Variants in TSHZ1 observed in about 807,000 individuals in gnomAD.
TSHZ1 encodes the protein teashirt zinc finger homeobox 1.
TSHZ1 carries 12 observed loss-of-function variants against 67.1 expected under a neutral mutation model. The ratio of observed to expected loss-of-function variants is 0.18; its 90% CI spans 0.11 to 0.29. The LOEUF (loss-of-function observed/expected upper bound fraction) is 0.29. Ranked by LOEUF, TSHZ1 falls within the 10% of genes least tolerant of loss-of-function variation. TSHZ1 has a pLI of 1.00. For synonymous variants in TSHZ1, 632 were observed against 622.4 expected (o/e 1.02, Z -0.23); for missense variants, 1,305 against 1,413.9 (o/e 0.92, Z 1.23).
intron 1 of TSHZ1, among the ~76,000 whole-genome samples, chr18:75,260,688 G>A (rs566046852): frequency 3.4e-4 from 52 of 152,224 alleles, no homozygotes; most frequent in African/African-American, 1.0e-3. Flanking sequence ...CCACTGCCCC[G>A]GCCTTTTCAC....
chr18:75,257,121 G>A lies in TSHZ1; in HGVS notation c.41-28327G>A, dbSNP rs568053160. 3.9e-5 allele frequency among the ~76,000 whole-genome samples: 6 copies of A among 152,294 alleles called. No homozygotes were observed. In the East Asian group the frequency reaches 9.6e-4, roughly 24 times the overall value. On this transcript the variant is annotated intron_variant, in intron 1 of 1. Transcript: ENST00000580243. ...GGGGCCCATACTTCTATTGGTTGCA[G>A]TTTTAAAGAAGACAGTTGAAGAGCT...
At chr18:75,227,441 C>A (rs1477584022) in intron 1 of TSHZ1, among the ~76,000 whole-genome samples, 3 of 151,898 alleles carry the variant, frequency 2.0e-5, no homozygotes, top group African/African-American at 7.3e-5. Flanking sequence ...GCCATTTTTG[C>A]CCCCAGATTG....
intron 1 of TSHZ1, among the ~76,000 whole-genome samples, chr18:75,246,436 G>GTGTGTGTGTGTGTGTGTGTGTA (rs2023224483): frequency 2.0e-5 from 3 of 150,750 alleles, no homozygotes; most frequent in South Asian, 4.2e-4. Flanking sequence ...GTGTGTGTGT[G>GTGTGTGTGTGTGTGTGTGTGTA]TGTGTGTGTC....
chr18:75,267,702 C>T (rs544283550), intron 1 of TSHZ1, among the ~76,000 whole-genome samples: 21 of 152,164 alleles, frequency 1.4e-4, no homozygotes, highest in Admixed American at 5.9e-4. Flanking sequence ...AGAGACCTTT[C>T]GTATGCATAT....
intron 1 of TSHZ1, among the ~76,000 whole-genome samples, chr18:75,231,806 T>A (rs766902606): frequency 1.3e-5 from 2 of 152,098 alleles, no homozygotes; most frequent in African/African-American, 2.4e-5. Flanking sequence ...AGTGCTGGGA[T>A]TGATGATAGG....
At chr18:75,241,731 A>G (rs1280865844) in intron 1 of TSHZ1, among the ~76,000 whole-genome samples, 2 of 152,004 alleles carry the variant, frequency 1.3e-5, no homozygotes, top group African/African-American at 4.8e-5. Context: ...CCAGTGCTGG[A>G]GGCCAGAACC....
At chr18:75,235,518 A>G (rs542549511) in intron 1 of TSHZ1, among the ~76,000 whole-genome samples, 4 of 152,172 alleles carry the variant, frequency 2.6e-5, no homozygotes, top group South Asian at 4.2e-4. Flanking sequence ...TGGCCCATTC[A>G]TTTGTTTATC....
intron 1 of TSHZ1, among the ~76,000 whole-genome samples, chr18:75,220,726 C>T (rs959498116): frequency 3.3e-5 from 5 of 152,268 alleles, no homozygotes; most frequent in Middle Eastern, 3.4e-3. Flanking sequence ...TCCAGGCTCT[C>T]GTTTCTGGAT....
intron 1 of TSHZ1, among the ~76,000 whole-genome samples, chr18:75,252,755 G>A (rs1007773153): frequency 2.0e-5 from 3 of 151,832 alleles, no homozygotes; most frequent in African/African-American, 7.3e-5. Context: ...ATATATTTGC[G>A]ATTGTCTTTC....
At chr18:75,217,316 G>C (rs1298161734) in intron 1 of TSHZ1, among the ~76,000 whole-genome samples, 6 of 152,150 alleles carry the variant, frequency 3.9e-5, no homozygotes, top group Non-Finnish European at 5.9e-5. Flanking sequence ...ACAACAACTT[G>C]ACAACCTGTA....
At chr18:75,276,057 ACT>A (rs1276912973) in intron 1 of TSHZ1, among the ~76,000 whole-genome samples, 1 of 152,126 alleles carries the variant, frequency 6.6e-6, no homozygotes, top group African/African-American at 2.4e-5. Context: ...TTGTTGACAA[ACT>A]CTAGACAAAA....
intron 1 of TSHZ1, among the ~76,000 whole-genome samples, chr18:75,282,065 G>C (rs553315881): frequency 1.3e-5 from 2 of 152,276 alleles, no homozygotes; most frequent in African/African-American, 4.8e-5. Flanking sequence ...CAAGGAAATG[G>C]CTTGCTGGGA....
At chr18:75,270,334 G>A (rs536171444) in intron 1 of TSHZ1, among the ~76,000 whole-genome samples, 11 of 152,318 alleles carry the variant, frequency 7.2e-5, no homozygotes, top group African/African-American at 2.4e-4. Context: ...TACATGTAGA[G>A]TACTTACGAT....
Position 75,286,968 on chromosome 18 carries a change from G to A in TSHZ1, c.1561G>A (p.Glu521Lys), listed in dbSNP as rs761213340. 1 of 1,614,134 alleles carries A rather than the reference G, an allele frequency of 6.2e-7. No individual in the cohort carries two copies. The highest frequency in any genetic ancestry group is 8.5e-7 in the Non-Finnish European group (1 of 1,180,038). Residue 521 changes from glutamate (E) to lysine (K), a missense_variant, in exon 2 of 2, where the codon GAG becomes AAG. Transcript: ENST00000580243. The surrounding 1 kb of genome is among the most constrained non-coding windows in gnomAD (Gnocchi z 5.1). ...CGCGGAGAAGATCAAGGAGGAGAGT[G>A]AGGACAGCTTGGAGAAATTTGAGCC... ...GDAEKIKEES[E>K]DSLEKFEPST...
At position 75,285,923 on chromosome 18, in the gene TSHZ1, G is replaced by A. The variant is rs370336035; in HGVS notation, c.516G>A (p.Thr172=). Residue 172 remains threonine (T), a synonymous_variant, in exon 2 of 2, where the codon ACG becomes ACA. Coordinates refer to ENST00000580243, the MANE Select transcript of TSHZ1 (RefSeq NM_001308210.2). ...TCPVSTTGPT[T]STPSTSCSSS... ...CCGTCAGCACCACTGGCCCCACCAC[G>A]AGCACGCCCAGCACCAGCTGCAGCT... 1.2e-3 allele frequency: 1,422 copies of A among 1,180,670 alleles called. 2 individuals carry two copies. The highest frequency in any genetic ancestry group is 1.5e-3 in the Admixed American group (53 of 35,216). The allele number at this position is 1,180,670 out of a possible 1,614,324, so 73.1% of individuals were successfully genotyped here.
At chr18:75,234,819 C>T (rs2023046750) in intron 1 of TSHZ1, among the ~76,000 whole-genome samples, 1 of 152,138 alleles carries the variant, frequency 6.6e-6, no homozygotes, top group Admixed American at 6.5e-5. Context: ...ATTTGCTGTT[C>T]ATAAAACACT....
At chr18:75,261,065 A>G (rs2023424551) in intron 1 of TSHZ1, among the ~76,000 whole-genome samples, 1 of 151,890 alleles carries the variant, frequency 6.6e-6, no homozygotes, top group Non-Finnish European at 1.5e-5. Flanking sequence ...CTCACGTTTC[A>G]TTGGCCACAT....
At chr18:75,271,968 T>C (rs1161468263) in intron 1 of TSHZ1, among the ~76,000 whole-genome samples, 3 of 152,210 alleles carry the variant, frequency 2.0e-5, no homozygotes, top group African/African-American at 7.2e-5. Flanking sequence ...AAAGAATGTA[T>C]GGAAGTCAGT....
rs940740486 is a variant in TSHZ1, at chr18:75,289,093, A to T, written c.*452A>T. On this transcript the variant is annotated 3_prime_UTR_variant, in exon 2 of 2. Transcript: ENST00000580243. ...CTTGAAAAAAAAAAAAGAAGAAAAA[A>T]AGGCTTAAAGGCATTTCATTCAGAT... 1 of 167,608 alleles carries T rather than the reference A, an allele frequency of 6.0e-6. No homozygotes were observed. Among genetic ancestry groups the T allele is most frequent in the Non-Finnish European group, 1.5e-5 (1 of 68,580 alleles). The allele number at this position is 167,608 out of a possible 1,614,324, so 10.4% of individuals were successfully genotyped here.
Sources: allele counts gnomAD v4.1 joint callset (sites outside exome capture counted in the v4.1 genomes callset), GRCh38; gene constraint gnomAD v4.1.1; non-coding constraint Gnocchi (gnomAD v3.1); transcripts MANE v1.5; gene names NCBI Gene and HGNC (gene_info 2026-07-23, HGNC 2026-07-21).